The following KDM4C variants were observed in gnomAD, a reference collection of about 807,000 sequenced individuals.
KDM4C encodes lysine-specific demethylase 4C.
KDM4C carries 81 observed loss-of-function variants against 129.3 expected under a neutral mutation model. That is an observed-to-expected ratio of 0.63 (90% CI 0.52 to 0.75). The LOEUF (loss-of-function observed/expected upper bound fraction) is 0.75, where lower values mean the gene tolerates loss of function less well. Ranked by LOEUF, KDM4C falls within the 30% of genes least tolerant of loss-of-function variation. KDM4C has a pLI of 0.00. For synonymous variants in KDM4C, 573 were observed against 456.1 expected (o/e 1.26, Z -3.26); for missense variants, 1,457 against 1,304.0 (o/e 1.12, Z -1.81).
chr9:6,879,179 A>G (rs1364771862), intron 5 of KDM4C, among the ~76,000 whole-genome samples: 1 of 147,720 alleles, frequency 6.8e-6, no homozygotes, highest in African/African-American at 2.7e-5. Flanking sequence ...GAGGTCTTCA[A>G]AAGTATAGTT....
At chr9:6,807,897 T>G (rs1302081499) in intron 3 of KDM4C, among the ~76,000 whole-genome samples, 91 of 73,932 alleles carry the variant, frequency 1.2e-3, no homozygotes, top group Middle Eastern at 0.011. Flanking sequence ...GAGGTGGGGG[T>G]GTCAGCCCCC....
intron 15 of KDM4C, among the ~76,000 whole-genome samples, chr9:7,036,402 A>C (rs533123056): frequency 2.2e-4 from 34 of 152,308 alleles, no homozygotes; most frequent in Admixed American, 1.8e-3. Context: ...TAAATGTTGT[A>C]AGCTCCATGT....
At chr9:6,895,388 T>G (rs1056154445) in intron 8 of KDM4C, among the ~76,000 whole-genome samples, 1 of 152,246 alleles carries the variant, frequency 6.6e-6, no homozygotes, top group African/African-American at 2.4e-5. Context: ...TGTTGCTGAC[T>G]GTGAACCAGA....
chr9:6,883,029 C>T (rs1198272082), intron 6 of KDM4C, among the ~76,000 whole-genome samples: 1 of 152,112 alleles, frequency 6.6e-6, no homozygotes, highest in African/African-American at 2.4e-5. Flanking sequence ...ATCATCAAAT[C>T]CCCTGAGATC....
chr9:7,088,789 A>G (rs1835445385), intron 17 of KDM4C, among the ~76,000 whole-genome samples: 1 of 152,072 alleles, frequency 6.6e-6, no homozygotes, highest in Admixed American at 6.5e-5. Context: ...ATGGGCTTGG[A>G]TTGGAAGCTT....
At chr9:6,942,441 G>C (rs1360015651) in intron 8 of KDM4C, 2 of 147,452 alleles carry the variant, frequency 1.4e-5, no homozygotes, top group Admixed American at 1.4e-4. Flanking sequence ...TTTTAATTTT[G>C]TGTTTTGTTT....
At chr9:7,171,008 G>C (rs1844907402) in intron 21 of KDM4C, 2 of 156,116 alleles carry the variant, frequency 1.3e-5, no homozygotes, top group Admixed American at 1.3e-4. Context: ...GCCATCCTGG[G>C]TAGCATGCAG....
At chr9:7,125,992 G>A (rs889001937) in intron 18 of KDM4C, among the ~76,000 whole-genome samples, 17 of 152,218 alleles carry the variant, frequency 1.1e-4, no homozygotes, top group Non-Finnish European at 2.5e-4. Context: ...CCTGAAAGGG[G>A]AACGGGGACT....
At chr9:7,132,279 C>A (rs1047370887) in intron 19 of KDM4C, among the ~76,000 whole-genome samples, 1 of 152,112 alleles carries the variant, frequency 6.6e-6, no homozygotes, top group African/African-American at 2.4e-5. Context: ...TTTCATAAAC[C>A]CAACAGATGA....
chr9:7,076,155 T>G (rs188541666), intron 17 of KDM4C, among the ~76,000 whole-genome samples: 106 of 152,126 alleles, frequency 7.0e-4, no homozygotes, highest in African/African-American at 2.5e-3. Context: ...GCCATCCTAC[T>G]GTAATAAACC....
At chr9:6,834,816 A>T (rs897371882) in intron 4 of KDM4C, 21 of 1,375,014 alleles carry the variant, frequency 1.5e-5, no homozygotes, top group South Asian at 2.3e-5. Context: ...AAGATGACCC[A>T]GATCATGTTT....
At position 7,064,040 on chromosome 9, in the gene KDM4C, C is replaced by T. The variant is rs138426319; in HGVS notation, c.2424+14840C>T. On this transcript the variant is annotated intron_variant, in intron 17 of 21. Transcript: ENST00000381309. ...GGAATGTGTCAGTGTTACTGAAGAA[C>T]TGAATTTCAAATTGTATTTAACTTT... is the stretch of plus-strand genomic sequence containing the variant. 8.5e-5 allele frequency among the ~76,000 whole-genome samples: 13 copies of T among 152,306 alleles called. 2 individuals are homozygous for T. The highest frequency in any genetic ancestry group is 3.1e-4 in the African/African-American group (13 of 41,574).
chr9:6,984,384 C>G lies in KDM4C; in HGVS notation c.1334C>G (p.Ser445Ter). The G allele has an allele frequency of 6.2e-7, 1 of 1,611,216 alleles. No homozygotes were observed. The highest frequency in any genetic ancestry group is 8.5e-7 in the Non-Finnish European group (1 of 1,177,594). ...AGGATGCAGGTGGAGCAGAATTTAT[C>G]AGATCATATCAAACTCTCAGGTGAG... Reference protein sequence around the residue: ...ASRMQVEQNLSDHIKLSGNSC... With the variant: ...ASRMQVEQNL Residue 445 changes from serine (S) to a stop codon, truncating the protein, a stop_gained, in exon 10 of 22, where the codon TCA (serine) becomes TGA (stop). Coordinates refer to ENST00000381309, the MANE Select transcript of KDM4C (RefSeq NM_015061.6). LOFTEE classifies it high-confidence loss of function.
chr9:7,108,581 C>G (rs1193644267), intron 18 of KDM4C, among the ~76,000 whole-genome samples: 1 of 152,172 alleles, frequency 6.6e-6, no homozygotes, highest in Non-Finnish European at 1.5e-5. Flanking sequence ...AGCTCCCAGG[C>G]CAGTTTTATT....
intron 1 of KDM4C, among the ~76,000 whole-genome samples, chr9:6,763,169 A>T (rs1744966885): frequency 6.6e-6 from 1 of 152,046 alleles, no homozygotes; most frequent in Non-Finnish European, 1.5e-5. Context: ...CTCCTGCTTC[A>T]AGGCTGCTTT....
intron 5 of KDM4C, among the ~76,000 whole-genome samples, chr9:6,868,389 T>C (rs1842369003): frequency 6.6e-6 from 1 of 152,094 alleles, no homozygotes; most frequent in Admixed American, 6.6e-5. Context: ...CTTTGAGGTG[T>C]GCCATAAAAA....
intron 8 of KDM4C, among the ~76,000 whole-genome samples, chr9:6,946,854 C>A (rs1240193395): frequency 6.6e-6 from 1 of 151,214 alleles, no homozygotes; most frequent in Non-Finnish European, 1.5e-5. Context: ...TTTTTGTTTC[C>A]TTTTTTCTTT....
intron 4 of KDM4C, among the ~76,000 whole-genome samples, chr9:6,826,954 A>T (rs1449427458): frequency 6.6e-6 from 1 of 152,148 alleles, no homozygotes; most frequent in Admixed American, 6.5e-5. Flanking sequence ...GATAAATCTA[A>T]TATGAAGGAT....
chr9:6,946,671 A>G (rs927245657), intron 8 of KDM4C, among the ~76,000 whole-genome samples: 1 of 152,150 alleles, frequency 6.6e-6, no homozygotes, highest in Non-Finnish European at 1.5e-5. Flanking sequence ...AGTGAATAAT[A>G]TTTGAATATA....
Sources: gnomAD v4.1 joint callset for allele counts (sites outside exome capture counted in the v4.1 genomes callset) on GRCh38, gnomAD v4.1.1 for gene constraint, MANE v1.5 for transcripts, NCBI Gene and HGNC (gene_info 2026-07-23, HGNC 2026-07-21) for gene names.